NAV2: variants seen among roughly 807,000 people sequenced by gnomAD.
NAV2 encodes the protein neuron navigator 2, also known as helicase, APC down-regulated 1.
In NAV2, 54 loss-of-function variants were observed where a neutral mutation model predicts 223.2. The ratio of observed to expected loss-of-function variants is 0.24; its 90% CI spans 0.19 to 0.30. The LOEUF (loss-of-function observed/expected upper bound fraction) is 0.30. Among genes scored for constraint, NAV2 ranks in the 10% least tolerant of loss-of-function variants. The pLI is 1.00. For missense variants in NAV2, 2,806 were observed against 3,147.5 expected (o/e 0.89, Z 2.60); for synonymous variants, 1,279 against 1,239.3 (o/e 1.03, Z -0.67).
At chr11:19,787,379 G>T (rs180833194) in intron 1 of NAV2, among the ~76,000 whole-genome samples, 1 of 144,530 alleles carries the variant, frequency 6.9e-6, no homozygotes, top group Non-Finnish European at 1.5e-5. Context: ...GCCTCCTAAA[G>T]TGTTGGGATT....
chr11:19,532,845 C>T (rs566945809), intron 1 of NAV2, among the ~76,000 whole-genome samples: 55 of 152,304 alleles, frequency 3.6e-4, no homozygotes, highest in African/African-American at 1.3e-3. Context: ...TCTGGGGACC[C>T]TCTACTTTCA....
chr11:19,960,654 C>A (rs753793674), intron 10 of NAV2, among the ~76,000 whole-genome samples: 17 of 151,458 alleles, frequency 1.1e-4, no homozygotes, highest in Non-Finnish European at 2.5e-4. Flanking sequence ...TGCTCCGTTG[C>A]CCAGGCTGGA....
intron 1 of NAV2, among the ~76,000 whole-genome samples, chr11:19,422,494 G>T (rs1158822640): frequency 6.6e-6 from 1 of 152,196 alleles, no homozygotes; most frequent in Non-Finnish European, 1.5e-5. Flanking sequence ...GAGCGTGGCT[G>T]GTCTGCACAG....
In NAV2 at chr11:19,766,616, C is replaced by T. The variant is rs74623256; in HGVS notation, c.267+52654C>T. 6.3e-3 allele frequency among the ~76,000 whole-genome samples: 961 copies of T among 152,248 alleles called. 11 individuals are homozygous for T. The highest frequency in any genetic ancestry group is 0.021 in the African/African-American group (892 of 41,532). On this transcript the variant is annotated intron_variant, in intron 1 of 37. Coordinates refer to ENST00000349880, the MANE Select transcript of NAV2 (RefSeq NM_145117.5). ...TGGATGGGGGCTGGATGGTGCTTAT[C>T]AGTCCTGGATGGATCATGGTGTGAA...
At chr11:19,828,031 C>T (rs2152883577) in intron 1 of NAV2, among the ~76,000 whole-genome samples, 1 of 152,196 alleles carries the variant, frequency 6.6e-6, no homozygotes, top group South Asian at 2.1e-4. Context: ...GTAGTCCCAG[C>T]TACTCGGGAG....
intron 5 of NAV2, among the ~76,000 whole-genome samples, chr11:19,891,751 A>G (rs2041512486): frequency 6.6e-6 from 1 of 152,146 alleles, no homozygotes; most frequent in African/African-American, 2.4e-5. Context: ...TCTCACCACT[A>G]TAAATTGTCC....
In NAV2 at chr11:20,108,087, C is replaced by A. The variant is rs1261629845; in HGVS notation, c.6960+305C>A. Among the ~76,000 whole-genome samples the A allele has an allele frequency of 3.3e-5, 5 of 152,222 alleles. No homozygotes were observed. In the East Asian group the frequency reaches 9.6e-4, roughly 29 times the overall value. ...TGGAAGTGCTCAGCATCGTGAGTGC[C>A]TGAGAAGTAGAACCATACACATGTG... On this transcript the variant is annotated intron_variant, in intron 36 of 37. Transcript: ENST00000349880.
chr11:19,553,451 G>C (rs1191571101), intron 1 of NAV2, among the ~76,000 whole-genome samples: 5 of 152,080 alleles, frequency 3.3e-5, no homozygotes, highest in Non-Finnish European at 7.3e-5. Context: ...CTCCCTCTTG[G>C]GGATACCCAC....
chr11:19,979,115 G>C (rs2050072473), intron 10 of NAV2: 1 of 152,188 alleles, frequency 6.6e-6, no homozygotes, highest in African/African-American at 2.4e-5. Context: ...GGGATGGTGA[G>C]GACTACCCTT....
intron 1 of NAV2, among the ~76,000 whole-genome samples, chr11:19,824,850 T>C (rs1391156003): frequency 1.3e-5 from 2 of 152,220 alleles, no homozygotes; most frequent in Non-Finnish European, 2.9e-5. Context: ...TTCGATTTTC[T>C]TAAAATTGTG....
intron 1 of NAV2, among the ~76,000 whole-genome samples, chr11:19,678,355 G>A (rs1319648229): frequency 1.3e-5 from 2 of 152,198 alleles, no homozygotes; most frequent in Non-Finnish European, 2.9e-5. Flanking sequence ...CCTAGTCAGT[G>A]GTGGGACCAG....
At chr11:20,078,716 C>T (rs373967112) in intron 24 of NAV2, among the ~76,000 whole-genome samples, 4 of 152,158 alleles carry the variant, frequency 2.6e-5, no homozygotes, top group Admixed American at 6.5e-5. Context: ...CCTCGGCCTC[C>T]GAAAGTGCTA....
rs60152398 is a variant in NAV2 at position 19,635,301 on chromosome 11, A to G, written c.76-197183A>G. ...TCATCAGAATTTTTTTAACACAGCA[A>G]TGCATAATCAGATTTGCTTTTTAGA... On this transcript the variant is annotated intron_variant, in intron 1 of 37. Coordinates refer to the NAV2 transcript ENST00000360655. 9.7e-3 allele frequency among the ~76,000 whole-genome samples: 1,484 copies of G among 152,288 alleles called. 23 individuals are homozygous for G. Among genetic ancestry groups the G allele is most frequent in the African/African-American group, 0.034 (1,408 of 41,552 alleles).
At chr11:20,109,341 A>G (rs1054300191) in intron 36 of NAV2, among the ~76,000 whole-genome samples, 1 of 152,234 alleles carries the variant, frequency 6.6e-6, no homozygotes, top group Non-Finnish European at 1.5e-5. Context: ...GCCTAAAATC[A>G]TTGGTTAGCA....
intron 1 of NAV2, among the ~76,000 whole-genome samples, chr11:19,609,486 AG>A (rs1184493468): frequency 6.6e-6 from 1 of 152,168 alleles, no homozygotes; most frequent in Non-Finnish European, 1.5e-5. Context: ...GGTGAAGGTA[AG>A]GAAAAGTATT....
chr11:19,610,218 T>C (rs2046597518), intron 1 of NAV2, among the ~76,000 whole-genome samples: 1 of 152,258 alleles, frequency 6.6e-6, no homozygotes, highest in Middle Eastern at 3.2e-3. Context: ...CCTTATTTCA[T>C]CTGCATTAGT....
At chr11:19,780,847 C>G (rs2056678678) in intron 1 of NAV2, among the ~76,000 whole-genome samples, 1 of 152,100 alleles carries the variant, frequency 6.6e-6, no homozygotes, top group Non-Finnish European at 1.5e-5. Context: ...GTCAATAGTG[C>G]CAAGTTCTTG....
intron 22 of NAV2, among the ~76,000 whole-genome samples, chr11:20,075,152 C>A (rs770643124): frequency 2.6e-5 from 4 of 151,952 alleles, no homozygotes; most frequent in Non-Finnish European, 5.9e-5. Flanking sequence ...CTCTCCAGGG[C>A]AGACTAAAGC....
At chr11:19,705,930 G>A (rs1460105514) in intron 1 of NAV2, among the ~76,000 whole-genome samples, 1 of 152,086 alleles carries the variant, frequency 6.6e-6, no homozygotes, top group Non-Finnish European at 1.5e-5. Flanking sequence ...TGACAATATA[G>A]CTTGACCCCT....
Sources: allele counts gnomAD v4.1 joint callset (sites outside exome capture counted in the v4.1 genomes callset), GRCh38; gene constraint gnomAD v4.1.1; transcripts MANE v1.5; gene names NCBI Gene and HGNC (gene_info 2026-07-23, HGNC 2026-07-21).